CTIF: variants seen among roughly 807,000 people sequenced by gnomAD.
CTIF encodes the protein CBP80/20-dependent translation initiation factor.
Under a neutral mutation model 66.0 loss-of-function variants are expected in CTIF, and 21 were observed. That is an observed-to-expected ratio of 0.32 (90% confidence interval 0.23 to 0.46). The LOEUF (loss-of-function observed/expected upper bound fraction) is 0.46, where lower values mean the gene tolerates loss of function less well. Ranked by LOEUF, CTIF falls within the 20% of genes least tolerant of loss-of-function variation. CTIF has a pLI of 1.00. For synonymous variants in CTIF, 345 were observed against 326.4 expected, an observed-to-expected ratio of 1.06 and a Z score of -0.62; for missense variants, 739 against 812.7, an observed-to-expected ratio of 0.91 and a Z score of 1.10.
chr18:48,765,630 T>A (rs1395063254), intron 9 of CTIF, among the ~76,000 whole-genome samples: 1 of 152,148 alleles, frequency 6.6e-6, no homozygotes, highest in Non-Finnish European at 1.5e-5. Flanking sequence ...GCAGCCCCCA[T>A]GGAGTGGGAA....
rs1568073050 is a variant in CTIF, at chr18:48,613,103, T to C, written c.-28-6435T>C. ...AGGTCACTGAACTCATCCCTGAGGA[T>C]TGGAGGAGGAGGTAATGCCCCTAAT... On this transcript the variant is annotated intron_variant, in intron 1 of 11. Transcript: ENST00000256413. Among the ~76,000 whole-genome samples, 3 of 152,202 alleles carry C rather than the reference T, an allele frequency of 2.0e-5. No individual in the cohort carries two copies. In the East Asian group the frequency reaches 5.8e-4, roughly 29 times the overall value.
intron 6 of CTIF, among the ~76,000 whole-genome samples, chr18:48,705,514 G>A (rs2092140848): frequency 6.6e-6 from 1 of 152,218 alleles, no homozygotes; most frequent in South Asian, 2.1e-4. Context: ...ACGTTCACAG[G>A]TGCACGGGGT....
intron 3 of CTIF, among the ~76,000 whole-genome samples, chr18:48,661,144 A>C (rs1274476181): frequency 1.3e-5 from 2 of 152,236 alleles, no homozygotes; most frequent in Non-Finnish European, 2.9e-5. Flanking sequence ...GAGGCAGTCC[A>C]GTGGAAAAGA....
intron 7 of CTIF, among the ~76,000 whole-genome samples, chr18:48,744,807 C>T (rs2092582490): frequency 6.6e-6 from 1 of 151,764 alleles, no homozygotes; most frequent in Non-Finnish European, 1.5e-5. Context: ...TATCCTGGGG[C>T]AGTTCTTTCT....
intron 6 of CTIF, among the ~76,000 whole-genome samples, chr18:48,681,230 CA>C (rs2091736025): frequency 6.6e-6 from 1 of 152,224 alleles, no homozygotes; most frequent in Non-Finnish European, 1.5e-5. Context: ...TCTATACAGC[CA>C]GGGGGGCTGG....
intron 1 of CTIF, among the ~76,000 whole-genome samples, chr18:48,560,959 C>G (rs1041412207): frequency 6.6e-5 from 10 of 152,126 alleles, no homozygotes; most frequent in African/African-American, 2.4e-4. Flanking sequence ...AAATGTTTGG[C>G]TGGGTGCAGT....
Position 48,859,600 on chromosome 18 carries a change from C to A in CTIF, c.*41C>A. On this transcript the variant is annotated 3_prime_UTR_variant, in exon 12 of 12. Transcript: ENST00000256413. ...GCAGGCGGCCCACGGGCAGCTGGGG[C>A]CCTGGTGCACAGGGCCAGATGGACA... 6.3e-7 allele frequency: 1 copy of A among 1,584,462 alleles called. No individual in the cohort carries two copies. The highest frequency in any genetic ancestry group is 8.7e-7 in the Non-Finnish European group (1 of 1,153,686).
intron 10 of CTIF, among the ~76,000 whole-genome samples, chr18:48,832,839 C>T (rs935309181): frequency 6.6e-6 from 1 of 152,214 alleles, no homozygotes; most frequent in African/African-American, 2.4e-5. Flanking sequence ...AAGGCCAAAA[C>T]CCTGCTGAAA....
At chr18:48,588,356 C>T (rs1258950009) in intron 1 of CTIF, among the ~76,000 whole-genome samples, 1 of 152,258 alleles carries the variant, frequency 6.6e-6, no homozygotes, top group African/African-American at 2.4e-5. Context: ...TCTTCCTAGA[C>T]CCTCTGGCCC....
intron 1 of CTIF, among the ~76,000 whole-genome samples, chr18:48,578,019 C>T (rs183268465): frequency 6.6e-6 from 1 of 152,336 alleles, no homozygotes; most frequent in East Asian, 1.9e-4. Flanking sequence ...CACTTATGTG[C>T]TTTCTCTATA....
intron 10 of CTIF, among the ~76,000 whole-genome samples, chr18:48,843,833 G>T (rs1223586032): frequency 6.6e-6 from 1 of 152,124 alleles, no homozygotes. Context: ...ATTTATGTGG[G>T]CACTCACTGG....
chr18:48,847,407 C>T (rs539187353), intron 10 of CTIF, among the ~76,000 whole-genome samples: 1 of 152,028 alleles, frequency 6.6e-6, no homozygotes, highest in African/African-American at 2.4e-5. Context: ...AGCACAGATC[C>T]AGGACTCTCC....
chr18:48,719,882 C>T (rs2092316437), intron 7 of CTIF, among the ~76,000 whole-genome samples: 1 of 152,196 alleles, frequency 6.6e-6, no homozygotes, highest in Non-Finnish European at 1.5e-5. Context: ...GTTAGATAAG[C>T]ATCACTCAGG....
intron 1 of CTIF, among the ~76,000 whole-genome samples, chr18:48,596,738 A>C (rs944834153): frequency 6.6e-6 from 1 of 152,110 alleles, no homozygotes; most frequent in Admixed American, 6.5e-5. Context: ...GGCCTCCCAA[A>C]GTGCTGGGAT....
At chr18:48,766,906 T>A (rs1332695940) in intron 9 of CTIF, among the ~76,000 whole-genome samples, 1 of 152,238 alleles carries the variant, frequency 6.6e-6, no homozygotes, top group African/African-American at 2.4e-5. Context: ...TTTCTCTCTG[T>A]CCTCAGCTCC....
intron 9 of CTIF, among the ~76,000 whole-genome samples, chr18:48,816,064 G>T (rs2068357712): frequency 6.6e-6 from 1 of 152,194 alleles, no homozygotes; most frequent in African/African-American, 2.4e-5. Flanking sequence ...AAGCGTGCAT[G>T]TAGATGGTGT....
chr18:48,619,010 TTCA>T (rs2090446333), intron 1 of CTIF, among the ~76,000 whole-genome samples: 1 of 152,180 alleles, frequency 6.6e-6, no homozygotes, highest in African/African-American at 2.4e-5. Flanking sequence ...GCCCATAGGC[TTCA>T]ACTAATTTAG....
chr18:48,667,376 C>T (rs1405536592), intron 5 of CTIF, among the ~76,000 whole-genome samples: 2 of 152,152 alleles, frequency 1.3e-5, no homozygotes, highest in Non-Finnish European at 2.9e-5. Flanking sequence ...CAGGTTGAAC[C>T]ATCTGGGAAA....
At position 48,632,806 on chromosome 18, in the gene CTIF, A is replaced by G. The variant is rs186935300; in HGVS notation, c.181-3808A>G. On this transcript the variant is annotated intron_variant, in intron 2 of 11. Coordinates refer to ENST00000256413, the MANE Select transcript of CTIF (RefSeq NM_014772.3). Reference sequence around the variant, plus strand: ...GCCGTGCCGTCCCCACCCCCCTCTCATTGCTGTTATTTGACATGTCATCTG... The same window carrying G: ...GCCGTGCCGTCCCCACCCCCCTCTCGTTGCTGTTATTTGACATGTCATCTG... 3.8e-3 allele frequency among the ~76,000 whole-genome samples: 567 copies of G among 150,986 alleles called. 7 individuals are homozygous for G. The highest frequency in any genetic ancestry group is 0.013 in the African/African-American group (540 of 41,056).
Sources: allele counts gnomAD v4.1 joint callset (sites outside exome capture counted in the v4.1 genomes callset), GRCh38; gene constraint gnomAD v4.1.1; transcripts MANE v1.5; gene names NCBI Gene and HGNC (gene_info 2026-07-23, HGNC 2026-07-21).